Variants in VSIG10 observed in about 807,000 individuals in gnomAD.
VSIG10 encodes the protein V-set and immunoglobulin domain containing 10, also known as V-set and immunoglobulin domain-containing protein 10.
A neutral mutation model predicts 58.7 loss-of-function variants in VSIG10; 48 were observed. The observed-to-expected ratio is 0.82, with a 90% CI of 0.65 to 1.04. The LOEUF is 1.04. Among genes scored for constraint, VSIG10 ranks in the 50% least tolerant of loss-of-function variants. The pLI is 0.00. For synonymous variants in VSIG10, 260 were observed against 267.1 expected (o/e 0.97, Z 0.26); for missense variants, 628 against 670.0 (o/e 0.94, Z 0.69).
At chr12:118,100,130 G>A (rs2033585110) in intron 1 of VSIG10, among the ~76,000 whole-genome samples, 1 of 152,204 alleles carries the variant, frequency 6.6e-6, no homozygotes, top group Admixed American at 6.5e-5. Flanking sequence ...AGCATTTTGG[G>A]AGGCCGAGGC....
chr12:118,078,504 G>T (rs970477534), intron 4 of VSIG10, among the ~76,000 whole-genome samples: 2 of 152,012 alleles, frequency 1.3e-5, no homozygotes, highest in African/African-American at 4.8e-5. Context: ...TCTCTCTCTT[G>T]CTTCCTCTCT....
Position 118,064,778 on chromosome 12 carries a change from G to A in VSIG10, c.*1861C>T, listed in dbSNP as rs937805685. ...GAGCAGGGGACAGGGCATACTTCTA[G>A]TGATTTGCTCAGTTTAATCCCTTCA... On this transcript the variant is annotated 3_prime_UTR_variant, in exon 9 of 9. Coordinates refer to ENST00000359236, the MANE Select transcript of VSIG10 (RefSeq NM_019086.6). 2 of 152,150 alleles carry A rather than the reference G, an allele frequency of 1.3e-5. No homozygotes were observed. The highest frequency in any genetic ancestry group is 2.9e-5 in the Non-Finnish European group (2 of 68,038). The allele number at this position is 152,150 out of a possible 1,614,324, so 9.4% of individuals were successfully genotyped here.
At chr12:118,071,254 C>T in intron 6 of VSIG10, 105 bp downstream of exon 6, 1 of 1,297,596 alleles carries the variant, frequency 7.7e-7, no homozygotes, top group Non-Finnish European at 1.1e-6. Context: ...CAAAGAAGCC[C>T]AGAGAACAGA....
At chr12:118,074,815 A>G (rs1241693507) in intron 4 of VSIG10, among the ~76,000 whole-genome samples, 1 of 152,016 alleles carries the variant, frequency 6.6e-6, no homozygotes, top group Non-Finnish European at 1.5e-5. Context: ...TTCTTGCAGT[A>G]CTTTTAAGTA....
intron 2 of VSIG10, among the ~76,000 whole-genome samples, chr12:118,094,192 T>C (rs750805815): frequency 8.0e-5 from 12 of 150,536 alleles, no homozygotes; most frequent in African/African-American, 9.8e-5. Flanking sequence ...CACTGCAGCC[T>C]GGAGCTCCTG....
At chr12:118,073,662 GAACCC>G in intron 5 of VSIG10, 32 bp downstream of exon 5, 13 of 1,565,474 alleles carry the variant, frequency 8.3e-6, no homozygotes, top group South Asian at 1.2e-5. Context: ...CTGAAGCTCT[GAACCC>G]TCCCTCCTTC....
At chr12:118,071,744 A>C (rs964791148) in intron 5 of VSIG10, among the ~76,000 whole-genome samples, 4 of 152,236 alleles carry the variant, frequency 2.6e-5, no homozygotes, top group African/African-American at 9.6e-5. Context: ...GGTAAGTAAG[A>C]GTGTTGAGAG....
chr12:118,066,767 A>G (rs1360734768), intron 8 of VSIG10, 73 bp from the exon 9 acceptor site: 2 of 1,464,552 alleles, frequency 1.4e-6, no homozygotes, highest in Non-Finnish European at 1.9e-6. Flanking sequence ...GTCATCAATC[A>G]TCTCAGTGAT....
intron 1 of VSIG10, chr12:118,102,808 C>T (rs1283959366): frequency 6.6e-6 from 1 of 152,346 alleles, no homozygotes; most frequent in African/African-American, 2.4e-5. Context: ...TCCCTGCACC[C>T]CAGCCTCCTC....
At chr12:118,071,746 T>A (rs1365607325) in intron 5 of VSIG10, among the ~76,000 whole-genome samples, 2 of 152,186 alleles carry the variant, frequency 1.3e-5, no homozygotes, top group Non-Finnish European at 2.9e-5. Flanking sequence ...TAAGTAAGAG[T>A]GTTGAGAGTT....
rs1465677048 is a variant in VSIG10 at position 118,103,735 on chromosome 12, G to T, written c.-64C>A. 1.5e-6 allele frequency: 2 copies of T among 1,372,162 alleles called. No homozygotes were observed. The highest frequency in any genetic ancestry group is 3.1e-5 in the East Asian group (1 of 32,428). 85.0% of individuals were successfully genotyped at this position (1,372,162 alleles called of 1,614,324 possible). ...CTGGGCTGGACGTGTGTGCCCCAGG[G>T]CCCCGGGGCCCGGGGTACCGAGGGC... On this transcript the variant is annotated 5_prime_UTR_variant, in exon 1 of 9. Coordinates refer to ENST00000359236, the MANE Select transcript of VSIG10 (RefSeq NM_019086.6).
rs1244158770 is a variant in VSIG10 at position 118,079,343 on chromosome 12, C to T, written c.925+3G>A. 1 of 1,613,054 alleles carries T rather than the reference C, an allele frequency of 6.2e-7. No homozygotes were observed. The highest frequency in any genetic ancestry group is 1.7e-5 in the Admixed American group (1 of 59,988). ...ACCCCAAGACAAAGCAAAACAGACT[C>T]ACTGATCTGCACCATGCAGCTGGCG... On this transcript the variant is annotated splice_donor_region_variant and intron_variant, in intron 4 of 8. Coordinates refer to ENST00000359236, the MANE Select transcript of VSIG10 (RefSeq NM_019086.6).
At chr12:118,084,670 G>A (rs2033065764) in intron 2 of VSIG10, among the ~76,000 whole-genome samples, 1 of 152,104 alleles carries the variant, frequency 6.6e-6, no homozygotes, top group Admixed American at 6.6e-5. Flanking sequence ...CTTGAGGTCA[G>A]GAGTTTGAGA....
chr12:118,081,193 C>T (rs1333273997), intron 3 of VSIG10, among the ~76,000 whole-genome samples: 5 of 151,966 alleles, frequency 3.3e-5, no homozygotes, highest in Non-Finnish European at 5.9e-5. Context: ...CTGCAGTGAG[C>T]AGAGATCTCG....
intron 1 of VSIG10, chr12:118,102,252 GA>G (rs2033640893): frequency 6.6e-6 from 1 of 152,204 alleles, no homozygotes; most frequent in Non-Finnish European, 1.5e-5. Flanking sequence ...CATCGTGCAG[GA>G]AACACTGCAA....
chr12:118,099,244 CCTGT>C (rs2033558999), intron 1 of VSIG10, among the ~76,000 whole-genome samples: 1 of 151,732 alleles, frequency 6.6e-6, no homozygotes, highest in South Asian at 2.1e-4. Context: ...GCAGAGATAC[CCTGT>C]CTCTCTTTTT....
chr12:118,091,417 G>A (rs1259538193), intron 2 of VSIG10, among the ~76,000 whole-genome samples: 5 of 151,918 alleles, frequency 3.3e-5, no homozygotes, highest in South Asian at 2.1e-4. Context: ...GTGTGAACCC[G>A]GAAGGTGGAC....
intron 2 of VSIG10, among the ~76,000 whole-genome samples, chr12:118,088,240 GAAAA>G (rs61475209): frequency 1.1e-5 from 1 of 93,022 alleles, no homozygotes; most frequent in Admixed American, 1.2e-4. Flanking sequence ...CTGTGTCTCA[GAAAA>G]AAAAAAAAAA....
At chr12:118,066,789 T>G in intron 8 of VSIG10, 95 bp from the exon 9 acceptor site, 1 of 1,340,152 alleles carries the variant, frequency 7.5e-7, no homozygotes. Context: ...TCTAGTCCTT[T>G]CCTGGTGAGC....
Sources: allele counts gnomAD v4.1 joint callset (sites outside exome capture counted in the v4.1 genomes callset), GRCh38; gene constraint gnomAD v4.1.1; transcripts MANE v1.5; gene names NCBI Gene and HGNC (gene_info 2026-07-23, HGNC 2026-07-21).